Variants in ADGB observed in about 807,000 individuals in gnomAD.
ADGB encodes androglobin.
In ADGB, 172 loss-of-function variants were observed where a neutral mutation model predicts 210.5. The ratio of observed to expected loss-of-function variants is 0.82; its 90% CI spans 0.72 to 0.93. The LOEUF is 0.93. Among genes scored for constraint, ADGB ranks in the 40% least tolerant of loss-of-function variants. The probability of loss-of-function intolerance (pLI) is 0.00; values close to 1 mark genes in which losing one functional copy is unlikely to be tolerated. For missense variants in ADGB, 2,025 were observed against 1,964.8 expected, an observed-to-expected ratio of 1.03 and a Z score of -0.58; for synonymous variants, 658 against 662.7, an observed-to-expected ratio of 0.99 and a Z score of 0.11.
At chr6:146,651,660 T>C (rs938600057) in intron 3 of ADGB, among the ~76,000 whole-genome samples, 2 of 152,146 alleles carry the variant, frequency 1.3e-5, no homozygotes, top group African/African-American at 2.4e-5. Context: ...CTGATAATGG[T>C]AGACTAATCG....
chr6:146,744,370 A>G (rs988137612), intron 25 of ADGB, among the ~76,000 whole-genome samples: 1 of 152,242 alleles, frequency 6.6e-6, no homozygotes, highest in Non-Finnish European at 1.5e-5. Flanking sequence ...GAAATTCACC[A>G]GAGGCCTTGA....
At position 146,610,302 on chromosome 6, in the gene ADGB, T is replaced by C. The variant is rs554864644; in HGVS notation, c.74+11188T>C. On this transcript the variant is annotated intron_variant, in intron 1 of 35. Coordinates refer to ENST00000397944, the MANE Select transcript of ADGB (RefSeq NM_024694.4). ...TCAACTTTGTCCTGAATCTCCGCAA[T>C]CTATGTTACCATCCAGATGCTGAAT... Among the ~76,000 whole-genome samples the C allele has an allele frequency of 4.6e-5, 7 of 152,336 alleles. No individual in the cohort carries two copies. In the East Asian group the frequency reaches 1.2e-3, roughly 25 times the overall value.
Position 146,726,097 on chromosome 6 carries a change from T to C in ADGB, c.2252T>C (p.Leu751Pro). 6.5e-7 allele frequency: 1 copy of C among 1,534,214 alleles called. No homozygotes were observed. The highest frequency in any genetic ancestry group is 8.8e-7 in the Non-Finnish European group (1 of 1,133,422). ...CTTCTCTTTAGGAGACACATGCTAC[T>C]CTTCAACGCATACTCCCCAGTAGGA... ...VRLPVGRHML[L>P]FNAYSPVGHS... Residue 751 changes from leucine to proline, a missense_variant, in exon 19 of 36, where the codon CTC (leucine) becomes CCC (proline). Transcript: ENST00000397944.
At chr6:146,684,889 A>G (rs1347518041) in intron 9 of ADGB, among the ~76,000 whole-genome samples, 3 of 152,090 alleles carry the variant, frequency 2.0e-5, no homozygotes, top group East Asian at 1.9e-4. Context: ...ACAAATTTCA[A>G]TTTTGAAATG....
chr6:146,751,485 G>A (rs1777320822), intron 26 of ADGB, among the ~76,000 whole-genome samples: 1 of 151,936 alleles, frequency 6.6e-6, no homozygotes, highest in Non-Finnish European at 1.5e-5. Flanking sequence ...TGTTTCTCTG[G>A]GTATATACCC....
chr6:146,781,716 A>G (rs993933481), intron 29 of ADGB, among the ~76,000 whole-genome samples: 5 of 152,188 alleles, frequency 3.3e-5, no homozygotes, highest in African/African-American at 1.2e-4. Context: ...ACAATTATGC[A>G]ATAAATGAAA....
intron 7 of ADGB, among the ~76,000 whole-genome samples, chr6:146,670,433 C>T (rs925319799): frequency 4.6e-5 from 7 of 152,118 alleles, no homozygotes; most frequent in South Asian, 2.1e-4. Context: ...CTCTACCTTA[C>T]GGTCCTTACA....
At chr6:146,778,228 G>A (rs572479908) in intron 29 of ADGB, among the ~76,000 whole-genome samples, 44 of 152,268 alleles carry the variant, frequency 2.9e-4, no homozygotes, top group Non-Finnish European at 5.3e-4. Context: ...TGGCCAGTGA[G>A]GGTGGTTGAA....
chr6:146,746,618 C>G (rs1777242184), intron 26 of ADGB, among the ~76,000 whole-genome samples: 1 of 152,164 alleles, frequency 6.6e-6, no homozygotes, highest in African/African-American at 2.4e-5. Context: ...ATTCCCTTTT[C>G]TGCACTTAAT....
At chr6:146,612,981 A>G (rs1054599203) in intron 1 of ADGB, among the ~76,000 whole-genome samples, 1 of 152,196 alleles carries the variant, frequency 6.6e-6, no homozygotes, top group African/African-American at 2.4e-5. Context: ...AAGCCATAAA[A>G]CCAACATTTA....
chr6:146,638,148 C>A (rs924876411), intron 2 of ADGB, among the ~76,000 whole-genome samples: 1 of 151,992 alleles, frequency 6.6e-6, no homozygotes, highest in Non-Finnish European at 1.5e-5. Flanking sequence ...ACATGATTAT[C>A]TCAATAGATG....
chr6:146,744,383 T>C (rs1777198979), intron 25 of ADGB, among the ~76,000 whole-genome samples: 1 of 152,216 alleles, frequency 6.6e-6, no homozygotes, highest in African/African-American at 2.4e-5. Context: ...GGCCTTGACA[T>C]ATGCCTGCCC....
intron 1 of ADGB, among the ~76,000 whole-genome samples, chr6:146,626,323 C>CTT (rs919329149): frequency 2.4e-4 from 37 of 151,816 alleles, no homozygotes; most frequent in African/African-American, 8.5e-4. Flanking sequence ...AATAAAATAA[C>CTT]TTGTGTATTT....
chr6:146,696,475 C>A (rs987208239), intron 12 of ADGB, among the ~76,000 whole-genome samples: 1 of 151,812 alleles, frequency 6.6e-6, no homozygotes, highest in Non-Finnish European at 1.5e-5. Flanking sequence ...ATTAAATGAG[C>A]CCCCTTATTC....
chr6:146,733,405 A>G (rs1426554485), intron 21 of ADGB, 150 bp downstream of exon 21: 9 of 743,290 alleles, frequency 1.2e-5, no homozygotes, highest in Non-Finnish European at 1.6e-5. Flanking sequence ...AGGGGCTCCA[A>G]GGACCTGCTG....
chr6:146,645,421 C>T (rs1219841380), intron 3 of ADGB, among the ~76,000 whole-genome samples: 1 of 151,996 alleles, frequency 6.6e-6, no homozygotes, highest in Non-Finnish European at 1.5e-5. Flanking sequence ...GAGATTAAAT[C>T]TTCAGACACC....
intron 1 of ADGB, among the ~76,000 whole-genome samples, chr6:146,631,144 A>G (rs1426635952): frequency 6.6e-6 from 1 of 152,252 alleles, no homozygotes; most frequent in Non-Finnish European, 1.5e-5. Flanking sequence ...GATTAAAGAT[A>G]CGAAAGAGGA....
intron 26 of ADGB, among the ~76,000 whole-genome samples, 181 bp from the exon 27 acceptor site, chr6:146,752,349 A>T (rs1200764644): frequency 6.6e-6 from 1 of 152,028 alleles, no homozygotes; most frequent in Non-Finnish European, 1.5e-5. Flanking sequence ...ATGGTGCTAA[A>T]CTATTCGTGA....
intron 29 of ADGB, among the ~76,000 whole-genome samples, chr6:146,778,903 C>G (rs1217640221): frequency 6.6e-6 from 1 of 151,914 alleles, no homozygotes; most frequent in Admixed American, 6.6e-5. Flanking sequence ...AAAAACCTGG[C>G]AAAAAATTAT....
Sources: allele counts gnomAD v4.1 joint callset (sites outside exome capture counted in the v4.1 genomes callset), GRCh38; gene constraint gnomAD v4.1.1; transcripts MANE v1.5; gene names NCBI Gene and HGNC (gene_info 2026-07-23, HGNC 2026-07-21).